Variants in EHHADH observed in about 807,000 individuals in gnomAD.
The protein encoded by EHHADH is peroxisomal bifunctional enzyme.
EHHADH carries 48 observed loss-of-function variants against 64.4 expected under a neutral mutation model. That is an observed-to-expected ratio of 0.75 (90% CI 0.59 to 0.95). EHHADH has a LOEUF of 0.95. EHHADH is among the 40% of genes least tolerant of loss of function. The pLI is 0.00. For missense variants in EHHADH, 854 were observed against 876.6 expected (o/e 0.97, Z 0.33); for synonymous variants, 308 against 326.7 (o/e 0.94, Z 0.62).
chr3:185,253,772 A>AAAAAATG, intron 1 of EHHADH, 177 bp downstream of exon 1: 1 of 1,332,156 alleles, frequency 7.5e-7, no homozygotes, highest in Non-Finnish European at 9.7e-7. Flanking sequence ...AAAAAAAAAA[A>AAAAAATG]AAAAGAAAAG....
In EHHADH at chr3:185,229,415, C is replaced by A; in HGVS notation, c.463+17G>T. The A allele has an allele frequency of 7.2e-7, 1 of 1,382,598 alleles. No individual in the cohort carries two copies. The allele number at this position is 1,382,598 out of a possible 1,614,324, so 85.6% of individuals were successfully genotyped here. A position where few individuals can be genotyped will look rare whatever the true frequency, so the allele number is the denominator to read the frequency against. ...TTCACACTAATCTAGACAGTTGTTGCCAAGGTCTATACTGACCTGAGGTAA... is the reference window on the plus strand; with the variant it reads ...TTCACACTAATCTAGACAGTTGTTGACAAGGTCTATACTGACCTGAGGTAA... On this transcript the variant is annotated intron_variant, in intron 4 of 6. Transcript: ENST00000231887.
At chr3:185,226,319 C>A (rs1718974138) in intron 4 of EHHADH, among the ~76,000 whole-genome samples, 1 of 152,148 alleles carries the variant, frequency 6.6e-6, no homozygotes, top group South Asian at 2.1e-4. Context: ...AAGGTCAGCA[C>A]CATCTAGTCA....
intron 2 of EHHADH, among the ~76,000 whole-genome samples, chr3:185,245,058 A>G (rs1049261595): frequency 1.8e-4 from 27 of 152,188 alleles, no homozygotes; most frequent in African/African-American, 6.5e-4. Context: ...TACTGATTGA[A>G]TTTCTTTAAT....
chr3:185,218,375 C>A, intron 4 of EHHADH, 135 bp from the exon 5 acceptor site: 1 of 498,250 alleles, frequency 2.0e-6, no homozygotes, highest in Non-Finnish European at 3.4e-6. Flanking sequence ...TAAGTAAGAA[C>A]CACACTCACT....
chr3:185,205,668 A>C (rs543081609), intron 5 of EHHADH, among the ~76,000 whole-genome samples: 27 of 152,284 alleles, frequency 1.8e-4, no homozygotes, highest in African/African-American at 6.3e-4. Flanking sequence ...AAATATTCAC[A>C]ATCTGCTCAG....
Position 185,193,238 on chromosome 3 carries a change from C to T in EHHADH, c.1160G>A (p.Ser387Asn), listed in dbSNP as rs1560004476. ...TTCAGCAAAGACCTGCTTCTTCAGGCTCATTTCCTCAAATACTGCTTCAAT... is the reference window on the plus strand; with the variant it reads ...TTCAGCAAAGACCTGCTTCTTCAGGTTCATTTCCTCAAATACTGCTTCAAT... ...LVIEAVFEEMSLKKQVFAELS... is the reference protein window; with the variant it reads ...LVIEAVFEEMNLKKQVFAELS... Residue 387 changes from serine (S) to asparagine (N), a missense_variant, in exon 7 of 7, where the codon AGC (serine) becomes AAC (asparagine). By Grantham distance (46) the Ser-to-Asn change is conservative. Coordinates refer to ENST00000231887, the MANE Select transcript of EHHADH (RefSeq NM_001966.4). 2 of 1,602,926 alleles carry T rather than the reference C, an allele frequency of 1.2e-6. No homozygotes were observed. The highest frequency in any genetic ancestry group is 3.4e-5 in the Admixed American group (2 of 58,134).
intron 5 of EHHADH, among the ~76,000 whole-genome samples, chr3:185,211,131 T>C (rs1185809440): frequency 2.0e-5 from 3 of 152,246 alleles, no homozygotes; most frequent in African/African-American, 7.2e-5. Context: ...ACTTCAGTTA[T>C]AAGATATTCA....
Position 185,193,398 on chromosome 3 carries a change from C to T in EHHADH, c.1000G>A (p.Ala334Thr), listed in dbSNP as rs1418547526. 1 of 1,614,158 alleles carries T rather than the reference C, an allele frequency of 6.2e-7. No individual in the cohort carries two copies. The highest frequency in any genetic ancestry group is 8.5e-7 in the Non-Finnish European group (1 of 1,180,006). The part of the protein sequence containing the change: ...IAVDSDKNQL[A>T]TANKMITSVL... ...GAGGTTATCATCTTGTTTGCAGTTG[C>T]TAGCTGGTTTTTGTCCGAGTCTACA... Residue 334 changes from alanine to threonine, a missense_variant, in exon 7 of 7, where the codon GCA becomes ACA. Physicochemically the swap from Ala to Thr is moderately conservative, Grantham distance 58. Transcript: ENST00000231887.
chr3:185,251,432 T>C (rs1424608866), intron 1 of EHHADH, among the ~76,000 whole-genome samples: 1 of 152,252 alleles, frequency 6.6e-6, no homozygotes, highest in Non-Finnish European at 1.5e-5. Flanking sequence ...GCTTTCTTAC[T>C]CTGTGGATTA....
rs575085497 is a variant in EHHADH at position 185,193,617 on chromosome 3, T to C, written c.911-130A>G. On this transcript the variant is annotated intron_variant, in intron 6 of 6. Coordinates refer to ENST00000231887, the MANE Select transcript of EHHADH (RefSeq NM_001966.4). The stretch of plus-strand genomic sequence containing the variant: ...GATTGAGTCAAGAAACACAAATGGA[T>C]TGAGTACTAGTTAAGACTCTGCACT... 2.0e-5 allele frequency: 21 copies of C among 1,057,478 alleles called. 1 individual carries two copies. The highest frequency in any genetic ancestry group is 1.6e-4 in the South Asian group (10 of 61,002). The allele number at this position is 1,057,478 out of a possible 1,614,324, so 65.5% of individuals were successfully genotyped here.
intron 1 of EHHADH, 103 bp from the exon 2 acceptor site, chr3:185,248,620 T>C: frequency 1.3e-6 from 1 of 766,640 alleles, no homozygotes; most frequent in African/African-American, 1.7e-5. Flanking sequence ...ACACACATAA[T>C]GGATAAAAAC....
chr3:185,225,061 G>A (rs1718937677), intron 4 of EHHADH, among the ~76,000 whole-genome samples: 1 of 152,154 alleles, frequency 6.6e-6, no homozygotes, highest in African/African-American at 2.4e-5. Context: ...TCAGAAGCAT[G>A]TCATGTTATT....
chr3:185,211,620 A>G (rs1718542675), intron 5 of EHHADH, among the ~76,000 whole-genome samples: 1 of 152,208 alleles, frequency 6.6e-6, no homozygotes, highest in Non-Finnish European at 1.5e-5. Context: ...AAAGCTTTGC[A>G]AAGGACAGAC....
At chr3:185,251,671 TAGG>T (rs1187047292) in intron 1 of EHHADH, among the ~76,000 whole-genome samples, 1 of 151,026 alleles carries the variant, frequency 6.6e-6, no homozygotes, top group Non-Finnish European at 1.5e-5. Flanking sequence ...CTCAATCAGC[TAGG>T]AGGAGACGAC....
intron 1 of EHHADH, among the ~76,000 whole-genome samples, chr3:185,249,265 A>T (rs1719679741): frequency 6.6e-6 from 1 of 152,048 alleles, no homozygotes; most frequent in African/African-American, 2.4e-5. Context: ...AGTAGCTGGG[A>T]CTACAGGCGC....
At chr3:185,250,171 C>T (rs947714712) in intron 1 of EHHADH, among the ~76,000 whole-genome samples, 9 of 152,044 alleles carry the variant, frequency 5.9e-5, no homozygotes, top group East Asian at 3.8e-4. Flanking sequence ...GACAGCCAAG[C>T]GTAATCTTAA....
At chr3:185,225,251 T>C (rs1718943095) in intron 4 of EHHADH, among the ~76,000 whole-genome samples, 1 of 152,172 alleles carries the variant, frequency 6.6e-6, no homozygotes, top group Non-Finnish European at 1.5e-5. Context: ...GAAGCTCTTG[T>C]GATACTTCCA....
At chr3:185,237,609 A>C (rs1719332922) in intron 2 of EHHADH, among the ~76,000 whole-genome samples, 1 of 152,218 alleles carries the variant, frequency 6.6e-6, no homozygotes, top group South Asian at 2.1e-4. Flanking sequence ...ACATCTCGAC[A>C]TAATCATATA....
At chr3:185,240,794 C>CT (rs993634296) in intron 2 of EHHADH, among the ~76,000 whole-genome samples, 2 of 151,718 alleles carry the variant, frequency 1.3e-5, no homozygotes, top group African/African-American at 4.8e-5. Context: ...AAGTATATTT[C>CT]TTTTTTCTGT....
Sources: gnomAD v4.1 joint callset for allele counts (sites outside exome capture counted in the v4.1 genomes callset) on GRCh38, gnomAD v4.1.1 for gene constraint, MANE v1.5 for transcripts, NCBI Gene and HGNC (gene_info 2026-07-23, HGNC 2026-07-21) for gene names.